Variants in SAE1 observed in about 807,000 individuals in gnomAD.
The protein encoded by SAE1 is SUMO1 activating enzyme subunit 1.
In SAE1, 11 loss-of-function variants were observed where a neutral mutation model predicts 40.6. The ratio of observed to expected loss-of-function variants is 0.27; its 90% confidence interval spans 0.17 to 0.45. SAE1 has a LOEUF of 0.45. Ranked by LOEUF, SAE1 falls within the 20% of genes least tolerant of loss-of-function variation. The probability of loss-of-function intolerance (pLI) is 1.00; values close to 1 mark genes in which losing one functional copy is unlikely to be tolerated. For synonymous variants in SAE1, 155 were observed against 154.3 expected, an observed-to-expected ratio of 1.00 and a Z score of -0.03; for missense variants, 373 against 427.3, an observed-to-expected ratio of 0.87 and a Z score of 1.12.
At chr19:47,138,671 G>C (rs1206827623) in intron 1 of SAE1, among the ~76,000 whole-genome samples, 1 of 152,106 alleles carries the variant, frequency 6.6e-6, no homozygotes, top group African/African-American at 2.4e-5. Flanking sequence ...TAATGGAGGA[G>C]GGGGCAGTAA....
intron 5 of SAE1, among the ~76,000 whole-genome samples, chr19:47,159,837 G>C (rs1309886360): frequency 6.6e-6 from 1 of 152,092 alleles, no homozygotes; most frequent in Non-Finnish European, 1.5e-5. Context: ...GGAACTGCCA[G>C]TGTGTGCCAC....
At chr19:47,199,446 G>A (rs1011515509) in intron 7 of SAE1, among the ~76,000 whole-genome samples, 1 of 148,666 alleles carries the variant, frequency 6.7e-6, no homozygotes, top group African/African-American at 2.5e-5. Flanking sequence ...CTGAGCACAC[G>A]AGACTGAGAC....
intron 5 of SAE1, among the ~76,000 whole-genome samples, chr19:47,163,755 G>T (rs1029924745): frequency 6.6e-6 from 1 of 152,002 alleles, no homozygotes; most frequent in African/African-American, 2.4e-5. Context: ...AAAGTATATG[G>T]GAGGATGCAC....
intron 7 of SAE1, among the ~76,000 whole-genome samples, chr19:47,202,427 A>G (rs2123322209): frequency 6.6e-6 from 1 of 151,990 alleles, no homozygotes; most frequent in East Asian, 2.0e-4. Flanking sequence ...AGCTGGGACT[A>G]CAGGCTCACC....
chr19:47,200,747 A>G (rs770793395), intron 7 of SAE1, among the ~76,000 whole-genome samples: 14 of 152,078 alleles, frequency 9.2e-5, no homozygotes, highest in African/African-American at 1.4e-4. Flanking sequence ...TGGCACACTT[A>G]CTCATTTATA....
intron 4 of SAE1, among the ~76,000 whole-genome samples, chr19:47,153,391 C>G (rs967557965): frequency 1.3e-5 from 2 of 152,204 alleles, no homozygotes; most frequent in Non-Finnish European, 2.9e-5. Context: ...CTCATCCTCT[C>G]ATTTTGAACA....
chr19:47,165,080 T>C (rs2058384343), intron 5 of SAE1, among the ~76,000 whole-genome samples: 1 of 129,434 alleles, frequency 7.7e-6, no homozygotes, highest in South Asian at 2.7e-4. Flanking sequence ...CCAAGTCTTT[T>C]TTTTTTTTTT....
At chr19:47,141,307 T>G (rs2058220510) in intron 1 of SAE1, among the ~76,000 whole-genome samples, 1 of 151,332 alleles carries the variant, frequency 6.6e-6, no homozygotes, top group Non-Finnish European at 1.5e-5. Flanking sequence ...TGGCCATAAT[T>G]TTTTTTGTAT....
intron 1 of SAE1, among the ~76,000 whole-genome samples, chr19:47,140,189 C>T (rs1225809851): frequency 6.6e-6 from 1 of 151,628 alleles, no homozygotes; most frequent in Non-Finnish European, 1.5e-5. Flanking sequence ...TCACTGCAAA[C>T]TCCACCTCCC....
chr19:47,174,352 A>G (rs1252203272), intron 6 of SAE1, among the ~76,000 whole-genome samples: 4 of 137,564 alleles, frequency 2.9e-5, no homozygotes, highest in Admixed American at 7.6e-5. Flanking sequence ...ATTTACCATT[A>G]TAACTTAAGC....
At chr19:47,159,885 T>C (rs1051685883) in intron 5 of SAE1, among the ~76,000 whole-genome samples, 4 of 152,066 alleles carry the variant, frequency 2.6e-5, no homozygotes, top group Non-Finnish European at 5.9e-5. Context: ...GTAGAGACGG[T>C]ATTTCTCCAT....
chr19:47,131,126 G>A, intron 1 of SAE1, 98 bp downstream of exon 1: 1 of 1,439,944 alleles, frequency 6.9e-7, no homozygotes, highest in Non-Finnish European at 9.1e-7. Flanking sequence ...TGATTTGAAG[G>A]GAGGAGGCGG....
At chr19:47,168,841 C>T (rs2058412995) in intron 5 of SAE1, among the ~76,000 whole-genome samples, 2 of 151,858 alleles carry the variant, frequency 1.3e-5, no homozygotes, top group African/African-American at 2.4e-5. Flanking sequence ...TGACCTCAGG[C>T]GATCCACCCG....
intron 3 of SAE1, 122 bp from the exon 4 acceptor site, chr19:47,152,776 A>T: frequency 1.1e-6 from 1 of 895,884 alleles, no homozygotes; most frequent in Non-Finnish European, 1.7e-6. Context: ...AACCTGTTGT[A>T]CCAGTTTGAA....
In SAE1 at chr19:47,157,835, C is replaced by T. The variant is rs564186965; in HGVS notation, c.627+2622C>T. 3.3e-5 allele frequency among the ~76,000 whole-genome samples: 5 copies of T among 152,294 alleles called. No individual in the cohort carries two copies. The South Asian group carries it at 1.0e-3, about 32-fold the overall frequency. On this transcript the variant is annotated intron_variant, in intron 5 of 8. Coordinates refer to ENST00000270225, the MANE Select transcript of SAE1 (RefSeq NM_005500.3). ...AAGGTTACGAGGCATTCAGTGCATT[C>T]CTGCTGACAATCCCTGGGATTCCAA...
intron 5 of SAE1, among the ~76,000 whole-genome samples, chr19:47,168,402 A>G (rs906129159): frequency 2.6e-5 from 4 of 151,732 alleles, no homozygotes; most frequent in South Asian, 4.1e-4. Flanking sequence ...CTCCTGTGCT[A>G]AAACAGTTCT....
intron 6 of SAE1, among the ~76,000 whole-genome samples, chr19:47,180,907 CA>C (rs1469857941): frequency 1.3e-5 from 2 of 152,268 alleles, no homozygotes; most frequent in African/African-American, 4.8e-5. Context: ...ATGAAATTAA[CA>C]ATCTAGGGAT....
chr19:47,155,027 C>G (rs576606416), intron 4 of SAE1, 87 bp from the exon 5 acceptor site: 2 of 824,388 alleles, frequency 2.4e-6, no homozygotes, highest in East Asian at 2.4e-5. Flanking sequence ...ACCACCATCC[C>G]GATCTGTGAC....
intron 2 of SAE1, among the ~76,000 whole-genome samples, 177 bp downstream of exon 2, chr19:47,143,782 C>T (rs1457539484): frequency 1.3e-5 from 2 of 152,132 alleles, no homozygotes; most frequent in African/African-American, 4.8e-5. Flanking sequence ...TCTAGCTCCA[C>T]CACATCTAGC....
Sources: allele counts gnomAD v4.1 joint callset (sites outside exome capture counted in the v4.1 genomes callset), GRCh38; gene constraint gnomAD v4.1.1; transcripts MANE v1.5; gene names NCBI Gene and HGNC (gene_info 2026-07-23, HGNC 2026-07-21).